NPHP3: variants seen among roughly 807,000 people sequenced by gnomAD.
NPHP3 encodes the protein nephrocystin-3.
Under a neutral mutation model 171.9 loss-of-function variants are expected in NPHP3, and 123 were observed. The ratio of observed to expected loss-of-function variants is 0.72; its 90% confidence interval spans 0.62 to 0.83. The LOEUF (loss-of-function observed/expected upper bound fraction) is 0.83. NPHP3 is among the 40% of genes least tolerant of loss of function. The pLI, the probability that NPHP3 is intolerant of heterozygous loss-of-function variation, is 0.00. For synonymous variants in NPHP3, 558 were observed against 579.2 expected (o/e 0.96, Z 0.52); for missense variants, 1,506 against 1,591.9 (o/e 0.95, Z 0.92).
intron 5 of NPHP3, among the ~76,000 whole-genome samples, chr3:132,713,945 G>A (rs776093767): frequency 1.6e-4 from 24 of 152,368 alleles, no homozygotes; most frequent in Admixed American, 3.3e-4. Context: ...GGTATAGCAT[G>A]TGACACACAG....
intron 6 of NPHP3, among the ~76,000 whole-genome samples, chr3:132,708,962 TAGA>T (rs941316920): frequency 1.3e-5 from 2 of 152,234 alleles, no homozygotes; most frequent in East Asian, 1.9e-4. Context: ...TGAACCTATG[TAGA>T]AGGAGAGGTG....
intron 19 of NPHP3, 86 bp downstream of exon 19, chr3:132,690,442 A>T: frequency 7.5e-7 from 1 of 1,331,168 alleles, no homozygotes; most frequent in South Asian, 1.2e-5. Context: ...ACTAATTTTT[A>T]AATTAAAAAT....
intron 13 of NPHP3, among the ~76,000 whole-genome samples, chr3:132,698,450 G>A (rs1027703303): frequency 6.6e-6 from 1 of 150,938 alleles, no homozygotes; most frequent in East Asian, 2.0e-4. Context: ...GCTAATTTTT[G>A]TATTTTTGGT....
At chr3:132,705,327 C>T (rs1939718462) in intron 8 of NPHP3, among the ~76,000 whole-genome samples, 1 of 152,134 alleles carries the variant, frequency 6.6e-6, no homozygotes, top group Non-Finnish European at 1.5e-5. Flanking sequence ...GTTCTCACCC[C>T]CCTGGAGGCA....
intron 2 of NPHP3, 31 bp from the exon 3 acceptor site, chr3:132,719,175 C>A (rs778977875): frequency 1.3e-6 from 2 of 1,540,106 alleles, no homozygotes; most frequent in Admixed American, 3.9e-5. Context: ...ATGTTGAAAG[C>A]TTTTTCATAA....
intron 9 of NPHP3, among the ~76,000 whole-genome samples, chr3:132,703,159 AG>A (rs1411078931): frequency 6.6e-6 from 1 of 152,250 alleles, no homozygotes; most frequent in African/African-American, 2.4e-5. Flanking sequence ...CCTATGAGGT[AG>A]GTACTATTAG....
chr3:132,719,994 A>G (rs557387549), intron 1 of NPHP3, among the ~76,000 whole-genome samples, 164 bp from the exon 2 acceptor site: 2 of 152,200 alleles, frequency 1.3e-5, no homozygotes, highest in African/African-American at 4.8e-5. Flanking sequence ...CATTTTATTC[A>G]AAACATGATG....
intron 17 of NPHP3, among the ~76,000 whole-genome samples, chr3:132,692,153 G>A (rs1308221957): frequency 1.3e-5 from 2 of 152,204 alleles, no homozygotes; most frequent in Non-Finnish European, 2.9e-5. Flanking sequence ...GTGCAGGTTT[G>A]TAGCCTGGGA....
intron 23 of NPHP3, 115 bp from the exon 24 acceptor site, chr3:132,684,909 A>G: frequency 7.8e-7 from 1 of 1,285,890 alleles, no homozygotes; most frequent in Non-Finnish European, 1.1e-6. Context: ...TAGTTAAAAT[A>G]AGAGATTCAG....
rs979121772 is a variant in NPHP3 at position 132,705,663 on chromosome 3, T to G, written c.1350+77A>C. The G allele has an allele frequency of 1.6e-5, 13 of 817,790 alleles. No individual in the cohort carries two copies. The African/African-American group carries it at 1.9e-4, about 12-fold the overall frequency. The allele number at this position is 817,790 out of a possible 1,614,324, so 50.7% of individuals were successfully genotyped here. A position where few individuals can be genotyped will look rare whatever the true frequency, so the allele number is the denominator to read the frequency against. On this transcript the variant is annotated intron_variant, in intron 8 of 26. Transcript: ENST00000337331. ...TGTTCAAAAAGACAAGCAAGTGGTT[T>G]TCTCTGGAAAAATCAATTTCATAGA...
At position 132,688,790 on chromosome 3, in the gene NPHP3, G is replaced by C. The variant is rs777768843; in HGVS notation, c.2985C>G (p.Tyr995Ter). 1 of 1,613,888 alleles carries C rather than the reference G, an allele frequency of 6.2e-7. No individual in the cohort carries two copies. The highest frequency in any genetic ancestry group is 8.5e-7 in the Non-Finnish European group (1 of 1,179,986). ...AQSLHQLASV[Y>*]VQWKKFGNAE... ...CATTGCCAAACTTCTTCCACTGCAC[G>C]TATACACTTGCTAGTTGGTGGAGGG... Residue 995 changes from tyrosine (Y) to a stop codon, truncating the protein, a stop_gained, in exon 21 of 27, where the codon TAC becomes TAG. Coordinates refer to ENST00000337331, the MANE Select transcript of NPHP3 (RefSeq NM_153240.5). LOFTEE classifies it high-confidence loss of function.
intron 15 of NPHP3, 56 bp downstream of exon 15, chr3:132,696,674 AG>A: frequency 6.8e-7 from 1 of 1,477,030 alleles, no homozygotes; most frequent in East Asian, 2.3e-5. Context: ...AGGGTGAGAA[AG>A]GGTCTGCAGC....
chr3:132,712,429 T>A (rs780056013), intron 6 of NPHP3: 1 of 457,016 alleles, frequency 2.2e-6, no homozygotes, highest in Non-Finnish European at 4.4e-6. Context: ...GTTTCTGTTG[T>A]AAAGATTCAA....
intron 4 of NPHP3, among the ~76,000 whole-genome samples, chr3:132,715,619 A>C (rs1163703373): frequency 1.3e-5 from 2 of 152,270 alleles, no homozygotes; most frequent in Non-Finnish European, 2.9e-5. Context: ...AAGTAGCCTT[A>C]TGCTAACTAT....
intron 7 of NPHP3, among the ~76,000 whole-genome samples, 178 bp downstream of exon 7, chr3:132,707,923 C>T (rs1461751568): frequency 6.6e-6 from 1 of 152,122 alleles, no homozygotes; most frequent in Non-Finnish European, 1.5e-5. Context: ...AAAATGGCCT[C>T]CGAGGTTCTT....
chr3:132,691,185 A>G lies in NPHP3; in HGVS notation c.2570+7T>C, dbSNP rs776779842. 2 of 1,603,354 alleles carry G rather than the reference A, an allele frequency of 1.2e-6. No individual in the cohort carries two copies. The highest frequency in any genetic ancestry group is 2.2e-5 in the South Asian group (2 of 90,896). ...TTACAGAAGAACAACAGGAACATTT[A>G]CAATACCTTAGCTGCAAGGTGAAAT... On this transcript the variant is annotated splice_region_variant and intron_variant, in intron 18 of 26. Transcript: ENST00000337331.
At position 132,721,944 on chromosome 3, in the gene NPHP3, C is replaced by T. The variant is rs759588036; in HGVS notation, c.393+19G>A. 4.3e-6 allele frequency: 7 copies of T among 1,610,732 alleles called. No individual in the cohort carries two copies. The Admixed American group carries it at 1.2e-4, about 27-fold the overall frequency. On this transcript the variant is annotated intron_variant, in intron 1 of 26. Transcript: ENST00000337331. ...GCTTCCCAAGGGTCTCCCGGCGTCG[C>T]GGCCCAGCCCGGCGTTACCTGCAGT...
At position 132,684,537 on chromosome 3, in the gene NPHP3, T is replaced by G. The variant is rs377589434; in HGVS notation, c.3570+17A>C. 6.2e-7 allele frequency: 1 copy of G among 1,613,488 alleles called. No homozygotes were observed. Among genetic ancestry groups the G allele is most frequent in the Non-Finnish European group, 8.5e-7 (1 of 1,179,588 alleles). On this transcript the variant is annotated intron_variant, in intron 24 of 26. Coordinates refer to ENST00000337331, the MANE Select transcript of NPHP3 (RefSeq NM_153240.5). ...TGATATGTTATAAAACATGTAAGAA[T>G]GTCAAAGCTTACTTACCATTTTCTT...
At chr3:132,689,332 A>G in intron 19 of NPHP3, 69 bp from the exon 20 acceptor site, 1 of 1,498,998 alleles carries the variant, frequency 6.7e-7, no homozygotes, top group Non-Finnish European at 9.3e-7. Context: ...TCAAAACTCC[A>G]GAATTAATAT....
Sources: allele counts gnomAD v4.1 joint callset (sites outside exome capture counted in the v4.1 genomes callset), GRCh38; gene constraint gnomAD v4.1.1; transcripts MANE v1.5; gene names NCBI Gene and HGNC (gene_info 2026-07-23, HGNC 2026-07-21).